Variants in PCDHA2 observed in about 807,000 individuals in gnomAD.
The protein encoded by PCDHA2 is protocadherin alpha-2.
PCDHA2 carries 58 observed loss-of-function variants against 66.0 expected under a neutral mutation model. The ratio of observed to expected loss-of-function variants is 0.88; its 90% CI spans 0.71 to 1.09. The LOEUF (loss-of-function observed/expected upper bound fraction) is 1.09, where lower values mean the gene tolerates loss of function less well. Among genes scored for constraint, PCDHA2 ranks in the 50% least tolerant of loss-of-function variants. PCDHA2 has a pLI of 0.00. For synonymous variants in PCDHA2, 634 were observed against 554.0 expected (o/e 1.14, Z -2.03); for missense variants, 1,267 against 1,242.3 (o/e 1.02, Z -0.30).
intron 1 of PCDHA2, chr5:140,822,689 G>T: frequency 6.2e-7 from 1 of 1,609,690 alleles, no homozygotes; most frequent in South Asian, 1.1e-5. Flanking sequence ...AAAGTTAACG[G>T]GGAACTGGAT....
intron 1 of PCDHA2, chr5:140,883,517 A>G: frequency 6.2e-7 from 1 of 1,614,162 alleles, no homozygotes; most frequent in Non-Finnish European, 8.5e-7. Context: ...GGACCGCGAG[A>G]GCGTATCAGC....
chr5:140,870,614 C>T, intron 1 of PCDHA2: 2 of 1,613,212 alleles, frequency 1.2e-6, no homozygotes, highest in Non-Finnish European at 1.7e-6. Context: ...CGCGCGCTGT[C>T]GAGCTACGTG....
At chr5:140,876,672 C>T in intron 1 of PCDHA2, 1 of 1,614,208 alleles carries the variant, frequency 6.2e-7, no homozygotes, top group Non-Finnish European at 8.5e-7. Context: ...TGGTGTCCAC[C>T]TACAAGAATT....
chr5:140,930,257 A>C (rs1412873070), intron 1 of PCDHA2: 1 of 152,218 alleles, frequency 6.6e-6, no homozygotes, highest in Non-Finnish European at 1.5e-5. Flanking sequence ...ACTTGGATTT[A>C]ATTTCTTTTA....
chr5:140,837,369 A>T (rs1477721585), intron 1 of PCDHA2, among the ~76,000 whole-genome samples: 2 of 151,978 alleles, frequency 1.3e-5, no homozygotes, highest in Non-Finnish European at 2.9e-5. Flanking sequence ...GTTTAATAGT[A>T]TTTTTTATTT....
chr5:140,906,629 C>T (rs1554192599), intron 1 of PCDHA2, among the ~76,000 whole-genome samples: 1 of 152,222 alleles, frequency 6.6e-6, no homozygotes, highest in Non-Finnish European at 1.5e-5. Context: ...CTTCAGCAAG[C>T]ACCTCAGCAG....
At position 140,796,137 on chromosome 5, in the gene PCDHA2, C is replaced by T. The variant is rs782247012; in HGVS notation, c.1173C>T (p.Pro391=). The change falls in exon 1 of 4, where the codon CCC becomes CCT. Residue 391 remains proline (P), a synonymous_variant. Coordinates refer to ENST00000526136, the MANE Select transcript of PCDHA2 (RefSeq NM_018905.3). The stretch of plus-strand genomic sequence containing the variant: ...GACATGTCACCTGCTCCCTGACGCC[C>T]CACGTCCCTTTCAAGCTGGTGTCCA... ...TNGHVTCSLT[P]HVPFKLVSTF... 4 of 1,614,096 alleles carry T rather than the reference C, an allele frequency of 2.5e-6. No individual in the cohort carries two copies. In the African/African-American group the frequency reaches 5.3e-5, roughly 22 times the overall value.
intron 1 of PCDHA2, chr5:140,863,140 C>T: frequency 1.6e-6 from 1 of 606,732 alleles, no homozygotes; most frequent in Non-Finnish European, 3.2e-6. Flanking sequence ...CCTGCTGGTG[C>T]TGGTGAAGGA....
At chr5:140,943,386 A>G (rs1245126281) in intron 1 of PCDHA2, among the ~76,000 whole-genome samples, 2 of 152,154 alleles carry the variant, frequency 1.3e-5, no homozygotes, top group African/African-American at 4.8e-5. Flanking sequence ...CAGGTAAGAA[A>G]TTATGGATAT....
intron 1 of PCDHA2, chr5:140,804,610 T>C (rs1554123107): frequency 6.5e-6 from 1 of 152,848 alleles, no homozygotes; most frequent in East Asian, 1.9e-4. Flanking sequence ...TATAATGTTA[T>C]TACTGGTTAA....
chr5:140,822,623 T>C, intron 1 of PCDHA2: 1 of 1,611,512 alleles, frequency 6.2e-7, no homozygotes, highest in Non-Finnish European at 8.5e-7. Flanking sequence ...TTTAGTAATC[T>C]TGTTCTTGAC....
At chr5:140,803,607 T>G (rs201656415) in intron 1 of PCDHA2, 2 of 1,614,172 alleles carry the variant, frequency 1.2e-6, no homozygotes, top group Non-Finnish European at 1.7e-6. Flanking sequence ...TAATTTTTAT[T>G]TATTCTTTCC....
In PCDHA2 at chr5:140,829,345, G is replaced by A. The variant is rs2150166310; in HGVS notation, c.2388+31993G>A. The A allele has an allele frequency of 4.3e-6, 7 of 1,614,136 alleles. No homozygotes were observed. In the African/African-American group the frequency reaches 8.0e-5, roughly 18 times the overall value. ...ACAGTGCCCTGGACCGCGAGAGCGT[G>A]TCGGCCTATGAGTTGGTGGTAACCG... is the stretch of plus-strand genomic sequence containing the variant. On this transcript the variant is annotated intron_variant, in intron 1 of 3. Transcript: ENST00000526136.
intron 1 of PCDHA2, among the ~76,000 whole-genome samples, chr5:140,958,944 T>G (rs199974895): frequency 1.0e-5 from 1 of 100,018 alleles, no homozygotes; most frequent in African/African-American, 4.8e-5. Context: ...TGTAATAATA[T>G]TATATTATTA....
chr5:140,959,073 G>A (rs775479268), intron 1 of PCDHA2, among the ~76,000 whole-genome samples: 2 of 152,094 alleles, frequency 1.3e-5, no homozygotes, highest in Non-Finnish European at 2.9e-5. Flanking sequence ...ATAGAATTCA[G>A]TATTATCCTT....
intron 1 of PCDHA2, among the ~76,000 whole-genome samples, chr5:140,953,230 A>G (rs782703084): frequency 2.0e-5 from 3 of 152,180 alleles, no homozygotes; most frequent in Non-Finnish European, 4.4e-5. Context: ...TCTGCTTGGT[A>G]GCAGTTCAAA....
intron 1 of PCDHA2, chr5:140,808,992 G>C (rs782057126): frequency 1.2e-6 from 2 of 1,613,698 alleles, no homozygotes; most frequent in Admixed American, 1.7e-5. Context: ...GCTGACTCGG[G>C]CTACAACGCG....
chr5:140,978,810 G>C, intron 1 of PCDHA2, 139 bp from the exon 2 acceptor site: 2 of 1,500,034 alleles, frequency 1.3e-6, no homozygotes, highest in Non-Finnish European at 1.8e-6. Flanking sequence ...TATCATCATA[G>C]AGTTACACAT....
intron 1 of PCDHA2, chr5:140,867,147 C>T (rs1554160998): frequency 6.6e-6 from 1 of 152,068 alleles, no homozygotes; most frequent in East Asian, 1.9e-4. Flanking sequence ...TATCATTTTT[C>T]CAGAGTAAAC....
Sources: gnomAD v4.1 joint callset for allele counts (sites outside exome capture counted in the v4.1 genomes callset) on GRCh38, gnomAD v4.1.1 for gene constraint, MANE v1.5 for transcripts, NCBI Gene and HGNC (gene_info 2026-07-23, HGNC 2026-07-21) for gene names.